Variants in CFAP20DC observed in about 807,000 individuals in gnomAD.
The protein encoded by CFAP20DC is CFAP20 domain containing, also known as protein CFAP20DC.
In CFAP20DC, 84 loss-of-function variants were observed where a neutral mutation model predicts 101.7. That is an observed-to-expected ratio of 0.83 (90% CI 0.69 to 0.99). The LOEUF (loss-of-function observed/expected upper bound fraction) is 0.99, where lower values mean the gene tolerates loss of function less well. CFAP20DC is among the 50% of genes least tolerant of loss of function. CFAP20DC has a pLI of 0.00. For missense variants in CFAP20DC, 1,007 were observed against 970.3 expected (o/e 1.04, Z -0.50); for synonymous variants, 359 against 351.2 (o/e 1.02, Z -0.25).
At position 58,861,274 on chromosome 3, in the gene CFAP20DC, TA is replaced by T; in HGVS notation, c.1593+2283del. ...AATTACACTTTATAAACTTCAAGCA[TA>T]ATAATATAATTGTTATTCACTTGTC... On this transcript the variant is annotated intron_variant, in intron 12 of 16. Coordinates refer to ENST00000482387, the MANE Select transcript of CFAP20DC (RefSeq NM_001394063.1). The surrounding 1 kb of genome is among the most constrained non-coding windows in gnomAD (Gnocchi z 4.0). 1.6e-6 allele frequency: 1 copy of T among 643,172 alleles called. No individual in the cohort carries two copies. Among genetic ancestry groups the T allele is most frequent in the Non-Finnish European group, 1.9e-6 (1 of 517,606 alleles). The allele number at this position is 643,172 out of a possible 1,614,324, so 39.8% of individuals were successfully genotyped here. A position where few individuals can be genotyped will look rare whatever the true frequency, so the allele number is the denominator to read the frequency against.
chr3:58,851,983 T>A (rs1006065911), intron 12 of CFAP20DC, among the ~76,000 whole-genome samples: 1 of 152,204 alleles, frequency 6.6e-6, no homozygotes, highest in African/African-American at 2.4e-5. Flanking sequence ...ACCACTCTTA[T>A]AATAAGCAGA....
chr3:59,044,987 G>C (rs1576825609), intron 3 of CFAP20DC, among the ~76,000 whole-genome samples: 1 of 139,842 alleles, frequency 7.2e-6, no homozygotes. Flanking sequence ...TCCTATTACA[G>C]ACACACACAC....
intron 12 of CFAP20DC, among the ~76,000 whole-genome samples, chr3:58,856,081 G>A (rs1218666128): frequency 6.7e-6 from 1 of 148,780 alleles, no homozygotes; most frequent in African/African-American, 2.6e-5. Flanking sequence ...ATATAATACT[G>A]AAATAGCTAA....
At chr3:58,973,212 T>C (rs1317772065) in intron 4 of CFAP20DC, among the ~76,000 whole-genome samples, 5 of 152,208 alleles carry the variant, frequency 3.3e-5, no homozygotes, top group Non-Finnish European at 7.4e-5. Flanking sequence ...AACTGTTTAA[T>C]TGAATCTCTT....
intron 4 of CFAP20DC, among the ~76,000 whole-genome samples, chr3:58,966,740 G>C (rs2108302941): frequency 6.6e-6 from 1 of 151,908 alleles, no homozygotes; most frequent in African/African-American, 2.4e-5. Context: ...GGCCAGCCTG[G>C]TCTCAAACTT....
intron 15 of CFAP20DC, among the ~76,000 whole-genome samples, chr3:58,783,553 T>A (rs2072038470): frequency 6.6e-6 from 1 of 151,972 alleles, no homozygotes; most frequent in African/African-American, 2.4e-5. Flanking sequence ...TGCAAACTAC[T>A]CATTTGACAA....
chr3:58,888,553 G>A (rs1315015922), intron 6 of CFAP20DC, among the ~76,000 whole-genome samples: 3 of 152,100 alleles, frequency 2.0e-5, no homozygotes, highest in Admixed American at 1.3e-4. Flanking sequence ...ACTTCCTGAT[G>A]CTCTCCTTTC....
At chr3:58,993,286 C>T (rs534564307) in intron 4 of CFAP20DC, among the ~76,000 whole-genome samples, 9 of 152,122 alleles carry the variant, frequency 5.9e-5, no homozygotes, top group South Asian at 2.1e-4. Flanking sequence ...GCATTCTGTC[C>T]GTGATTCAGA....
At chr3:59,023,396 G>A (rs1437375237) in intron 4 of CFAP20DC, among the ~76,000 whole-genome samples, 2 of 152,074 alleles carry the variant, frequency 1.3e-5, no homozygotes, top group Non-Finnish European at 1.5e-5. Flanking sequence ...TACAACTGGA[G>A]GATATGGGAA....
chr3:58,935,775 A>C (rs1369668438), intron 5 of CFAP20DC, among the ~76,000 whole-genome samples: 3 of 152,364 alleles, frequency 2.0e-5, no homozygotes, highest in Non-Finnish European at 4.4e-5. Flanking sequence ...AATTAATTCA[A>C]GGTGGATTAA....
intron 12 of CFAP20DC, among the ~76,000 whole-genome samples, chr3:58,850,940 T>C (rs1218870353): frequency 6.6e-6 from 1 of 152,204 alleles, no homozygotes; most frequent in Non-Finnish European, 1.5e-5. Flanking sequence ...CGGTGAAATC[T>C]TCCTTTCAGA....
intron 4 of CFAP20DC, among the ~76,000 whole-genome samples, chr3:59,033,551 C>T (rs1043339339): frequency 2.6e-5 from 4 of 151,928 alleles, no homozygotes; most frequent in East Asian, 1.9e-4. Context: ...TTTCGTGAAG[C>T]GTACACAGCT....
chr3:58,822,724 C>T (rs1284191219), intron 14 of CFAP20DC, among the ~76,000 whole-genome samples: 1 of 151,998 alleles, frequency 6.6e-6, no homozygotes, highest in Non-Finnish European at 1.5e-5. Context: ...GAAAGGTGAA[C>T]AACTAGCTGT....
At chr3:59,045,578 T>A (rs979025765) in intron 3 of CFAP20DC, among the ~76,000 whole-genome samples, 1 of 152,248 alleles carries the variant, frequency 6.6e-6, no homozygotes, top group African/African-American at 2.4e-5. Flanking sequence ...TTCTGATAAA[T>A]CTGCGTTATC....
chr3:58,998,773 C>T (rs1477396325), intron 4 of CFAP20DC, among the ~76,000 whole-genome samples: 1 of 152,198 alleles, frequency 6.6e-6, no homozygotes, highest in East Asian at 1.9e-4. Context: ...CTTCACTCTG[C>T]ACCGTAGAAT....
chr3:58,787,691 T>C (rs985248605), intron 15 of CFAP20DC, among the ~76,000 whole-genome samples: 41 of 152,266 alleles, frequency 2.7e-4, no homozygotes, highest in African/African-American at 9.4e-4. Context: ...TGCACATGCA[T>C]GTTTATTGCA....
In CFAP20DC at chr3:59,006,095, G is replaced by A. The variant is rs1474089230; in HGVS notation, c.278+33462C>T. 6.6e-6 allele frequency among the ~76,000 whole-genome samples: 1 copy of A among 151,970 alleles called. No individual in the cohort carries two copies. The highest frequency in any genetic ancestry group is 2.4e-5 in the African/African-American group (1 of 41,340). The stretch of plus-strand genomic sequence containing the variant: ...TGTTTTTATAAATATGTAATATACT[G>A]TGTATATGTATATATACACACATCT... On this transcript the variant is annotated intron_variant, in intron 4 of 16. Transcript: ENST00000482387. The surrounding 1 kb of genome is among the most constrained non-coding windows in gnomAD (Gnocchi z 4.3).
chr3:58,972,894 T>C (rs1232398531), intron 4 of CFAP20DC, among the ~76,000 whole-genome samples: 2 of 152,200 alleles, frequency 1.3e-5, no homozygotes, highest in Non-Finnish European at 2.9e-5. Context: ...GTTCATTTTA[T>C]GGGGAGAAGT....
At chr3:58,933,942 A>G (rs1004839584) in intron 5 of CFAP20DC, among the ~76,000 whole-genome samples, 1 of 152,038 alleles carries the variant, frequency 6.6e-6, no homozygotes, top group African/African-American at 2.4e-5. Flanking sequence ...TGAAGGAAAT[A>G]GAGACACAAA....
Sources: allele counts gnomAD v4.1 joint callset (sites outside exome capture counted in the v4.1 genomes callset), GRCh38; gene constraint gnomAD v4.1.1; non-coding constraint Gnocchi (gnomAD v3.1); transcripts MANE v1.5; gene names NCBI Gene and HGNC (gene_info 2026-07-23, HGNC 2026-07-21).